The following CHP1 variants were observed in gnomAD, a reference collection of about 807,000 sequenced individuals.
The protein encoded by CHP1 is calcineurin like EF-hand protein 1.
Under a neutral mutation model 27.4 loss-of-function variants are expected in CHP1, and 11 were observed. The ratio of observed to expected loss-of-function variants is 0.40; its 90% confidence interval spans 0.25 to 0.67. CHP1 has a LOEUF of 0.67. Among genes scored for constraint, CHP1 ranks in the 30% least tolerant of loss-of-function variants. The pLI is 0.38. For missense variants in CHP1, 169 were observed against 251.3 expected (o/e 0.67, Z 2.22); for synonymous variants, 89 against 87.4 (o/e 1.02, Z -0.10).
At chr15:41,239,577 G>C (rs905152412) in intron 1 of CHP1, among the ~76,000 whole-genome samples, 18 of 151,434 alleles carry the variant, frequency 1.2e-4, no homozygotes, top group African/African-American at 4.1e-4. Flanking sequence ...TGTATTTTTA[G>C]TAGAGACAGG....
chr15:41,259,484 T>C (rs1049792830), intron 3 of CHP1, among the ~76,000 whole-genome samples: 3 of 151,942 alleles, frequency 2.0e-5, no homozygotes, highest in Non-Finnish European at 4.4e-5. Flanking sequence ...ATATTTGGCT[T>C]CTGGGTTTTT....
chr15:41,264,787 C>G (rs1412783728), intron 4 of CHP1, among the ~76,000 whole-genome samples: 1 of 152,068 alleles, frequency 6.6e-6, no homozygotes, highest in Non-Finnish European at 1.5e-5. Flanking sequence ...GTTGGATTAA[C>G]TTTTATAGGA....
intron 5 of CHP1, among the ~76,000 whole-genome samples, chr15:41,278,054 C>T (rs1439247457): frequency 6.6e-6 from 1 of 151,420 alleles, no homozygotes; most frequent in Non-Finnish European, 1.5e-5. Flanking sequence ...TTTGGCCGGG[C>T]GCAGTGGCTC....
chr15:41,238,326 G>C (rs2047288326), intron 1 of CHP1, among the ~76,000 whole-genome samples: 1 of 151,748 alleles, frequency 6.6e-6, no homozygotes, highest in Non-Finnish European at 1.5e-5. Context: ...CCCAGCTAAT[G>C]ATTGATTGAT....
intron 5 of CHP1, among the ~76,000 whole-genome samples, chr15:41,277,020 T>C (rs977317427): frequency 6.6e-6 from 1 of 152,210 alleles, no homozygotes; most frequent in Non-Finnish European, 1.5e-5. Context: ...CAAAGGACTC[T>C]CCCTTAGTCT....
intron 4 of CHP1, chr15:41,264,313 T>G: frequency 4.4e-6 from 3 of 681,864 alleles, no homozygotes; most frequent in Non-Finnish European, 6.2e-6. Flanking sequence ...GCTAATGAGA[T>G]TCCCCTCCTG....
Position 41,231,382 on chromosome 15 carries a change from G to A in CHP1, c.-1G>A, listed in dbSNP as rs1051623220. On this transcript the variant is annotated 5_prime_UTR_variant, in exon 1 of 7. Transcript: ENST00000334660. ...CTCCCGGAGGAGCTCCCGGCACGGC[G>A]ATGGGTTCTCGGGCCTCCACGTTAC... is the stretch of plus-strand genomic sequence containing the variant. 5.6e-6 allele frequency: 9 copies of A among 1,599,028 alleles called. No individual in the cohort carries two copies. The highest frequency in any genetic ancestry group is 1.7e-4 in the Middle Eastern group (1 of 6,046).
intron 5 of CHP1, among the ~76,000 whole-genome samples, chr15:41,273,042 G>A (rs1037072620): frequency 6.6e-6 from 1 of 151,748 alleles, no homozygotes; most frequent in African/African-American, 2.4e-5. Context: ...GGGCAACAGG[G>A]CGAGACTCCG....
chr15:41,232,750 T>G (rs1011577502), intron 1 of CHP1, among the ~76,000 whole-genome samples: 1 of 152,188 alleles, frequency 6.6e-6, no homozygotes, highest in African/African-American at 2.4e-5. Context: ...TCATCATACT[T>G]GTCTTTGATA....
intron 1 of CHP1, among the ~76,000 whole-genome samples, chr15:41,233,207 G>A (rs981058678): frequency 3.9e-5 from 6 of 152,152 alleles, no homozygotes; most frequent in Non-Finnish European, 8.8e-5. Flanking sequence ...TACTACTTTA[G>A]GTCTAGGGTG....
chr15:41,273,983 C>T (rs968720796), intron 5 of CHP1, among the ~76,000 whole-genome samples: 7 of 151,028 alleles, frequency 4.6e-5, no homozygotes, highest in East Asian at 2.0e-4. Flanking sequence ...TTTTTTGAGA[C>T]GGAGTCTCGC....
At chr15:41,233,993 G>A (rs1194562063) in intron 1 of CHP1, 1 of 151,984 alleles carries the variant, frequency 6.6e-6, no homozygotes, top group Non-Finnish European at 1.5e-5. Flanking sequence ...CTGTCTCCCA[G>A]GCCGGACTGC....
intron 3 of CHP1, among the ~76,000 whole-genome samples, chr15:41,261,701 A>G (rs2047433710): frequency 6.6e-6 from 1 of 152,028 alleles, no homozygotes. Flanking sequence ...TACTAAAAAT[A>G]CAAAAAATTA....
intron 1 of CHP1, among the ~76,000 whole-genome samples, chr15:41,241,743 C>T (rs1049402419): frequency 2.6e-5 from 4 of 152,176 alleles, no homozygotes; most frequent in African/African-American, 7.2e-5. Context: ...ATAGTGTGTC[C>T]TCTTATCCCA....
At position 41,281,695 on chromosome 15, in the gene CHP1, AG is replaced by A. The variant is rs1387669965; in HGVS notation, c.*2309del. ...TGATGTAATATAGGAATTATGTAAA[AG>A]GGAAGAATGTCTGATACTGATCTAT... On this transcript the variant is annotated 3_prime_UTR_variant, in exon 7 of 7. Coordinates refer to ENST00000334660, the MANE Select transcript of CHP1 (RefSeq NM_007236.5). The A allele has an allele frequency of 1.3e-5, 2 of 152,622 alleles. No homozygotes were observed. Among genetic ancestry groups the A allele is most frequent in the Non-Finnish European group, 2.9e-5 (2 of 68,032 alleles). The allele number at this position is 152,622 out of a possible 1,614,324, so 9.5% of individuals were successfully genotyped here.
At chr15:41,268,565 C>T (rs535390651) in intron 4 of CHP1, among the ~76,000 whole-genome samples, 16 of 150,976 alleles carry the variant, frequency 1.1e-4, no homozygotes, top group African/African-American at 3.7e-4. Flanking sequence ...TTGCTTGAAC[C>T]CGGGAGGCGG....
intron 5 of CHP1, among the ~76,000 whole-genome samples, chr15:41,275,717 A>G (rs1036348114): frequency 1.3e-5 from 2 of 151,980 alleles, no homozygotes; most frequent in Admixed American, 6.6e-5. Context: ...TACTATAGGC[A>G]TGCACTACCA....
intron 2 of CHP1, among the ~76,000 whole-genome samples, chr15:41,245,841 G>T (rs1343078920): frequency 6.6e-6 from 1 of 152,130 alleles, no homozygotes; most frequent in Non-Finnish European, 1.5e-5. Flanking sequence ...TTCTTTCAGT[G>T]CTTGTGCTTT....
intron 1 of CHP1, among the ~76,000 whole-genome samples, chr15:41,232,464 G>A (rs527488893): frequency 6.6e-6 from 1 of 152,070 alleles, no homozygotes; most frequent in African/African-American, 2.4e-5. Context: ...ACCCACCTCG[G>A]CCTCCCAAAG....
Sources: gnomAD v4.1 joint callset for allele counts (sites outside exome capture counted in the v4.1 genomes callset) on GRCh38, gnomAD v4.1.1 for gene constraint, MANE v1.5 for transcripts, NCBI Gene and HGNC (gene_info 2026-07-23, HGNC 2026-07-21) for gene names.